Variants in CECR2 observed in about 807,000 individuals in gnomAD.
CECR2 encodes the protein chromatin remodeling regulator CECR2.
Under a neutral mutation model 154.5 loss-of-function variants are expected in CECR2, and 30 were observed. The ratio of observed to expected loss-of-function variants is 0.19; its 90% CI spans 0.15 to 0.26. CECR2 has a LOEUF of 0.26. Among genes scored for constraint, CECR2 ranks in the 10% least tolerant of loss-of-function variants. The pLI, the probability that CECR2 is intolerant of heterozygous loss-of-function variation, is 1.00. For missense variants in CECR2, 1,743 were observed against 1,829.3 expected (o/e 0.95, Z 0.86); for synonymous variants, 725 against 683.7 (o/e 1.06, Z -0.94).
At chr22:17,427,413 C>T (rs962010182) in intron 1 of CECR2, among the ~76,000 whole-genome samples, 1 of 152,040 alleles carries the variant, frequency 6.6e-6, no homozygotes, top group African/African-American at 2.4e-5. Flanking sequence ...GTATTGTGTT[C>T]AGAATTGATT....
intron 1 of CECR2, among the ~76,000 whole-genome samples, chr22:17,446,241 C>T (rs563628496): frequency 2.6e-5 from 4 of 152,136 alleles, no homozygotes; most frequent in African/African-American, 7.2e-5. Context: ...TCAGGTGTTG[C>T]GGCACATGCC....
chr22:17,546,670 C>A (rs1476615320), intron 16 of CECR2, among the ~76,000 whole-genome samples: 3 of 151,998 alleles, frequency 2.0e-5, no homozygotes, highest in Non-Finnish European at 4.4e-5. Flanking sequence ...GAATCTCTAA[C>A]CTTGTGCTTC....
intron 2 of CECR2, among the ~76,000 whole-genome samples, chr22:17,478,204 T>C (rs1477595120): frequency 6.6e-6 from 1 of 152,142 alleles, no homozygotes; most frequent in Non-Finnish European, 1.5e-5. Flanking sequence ...CACGTTTCTT[T>C]GCTATGTGTC....
chr22:17,484,380 A>T (rs1019673069), intron 2 of CECR2, among the ~76,000 whole-genome samples: 1 of 152,154 alleles, frequency 6.6e-6, no homozygotes, highest in Non-Finnish European at 1.5e-5. Flanking sequence ...GTTGCAGGTA[A>T]TCAGCTCTGT....
intron 2 of CECR2, among the ~76,000 whole-genome samples, chr22:17,478,861 A>G (rs1196674535): frequency 6.6e-6 from 1 of 152,126 alleles, no homozygotes; most frequent in Admixed American, 6.5e-5. Context: ...CCCAGGTTGT[A>G]TTTGTAAATA....
At chr22:17,507,312 G>A (rs9604751) in intron 7 of CECR2, among the ~76,000 whole-genome samples, 26,833 of 152,046 alleles carry the variant, frequency 0.18, 2,776 homozygotes, top group East Asian at 0.26. Flanking sequence ...TTTCACCATC[G>A]GTGTACTTAA....
chr22:17,391,575 GC>G lies in CECR2; in HGVS notation c.126+21668del, dbSNP rs2063326293. On this transcript the variant is annotated intron_variant, in intron 1 of 18. Coordinates refer to ENST00000262608, the MANE Select transcript of CECR2 (RefSeq NM_001290047.2). ...GTTCGAATGAGCCAAGCATGTGAGG[GC>G]CTGGCCCAAATAGATCTCAGCAACT... 2.6e-5 allele frequency among the ~76,000 whole-genome samples: 4 copies of G among 152,282 alleles called. No homozygotes were observed. The South Asian group carries it at 8.3e-4, about 32-fold the overall frequency.
chr22:17,369,452 C>G (rs1397366054), upstream of CECR2: 2 of 151,102 alleles, frequency 1.3e-5, no homozygotes, highest in African/African-American at 2.4e-5. Flanking sequence ...CCCTCCGCCC[C>G]TAGCCCCATC....
chr22:17,395,511 AT>A (rs1166653159), intron 1 of CECR2, among the ~76,000 whole-genome samples: 20 of 151,942 alleles, frequency 1.3e-4, no homozygotes, highest in African/African-American at 3.9e-4. Flanking sequence ...TGCTGGGCTA[AT>A]TTTTGTATTT....
chr22:17,496,373 G>A (rs1002251338), intron 2 of CECR2, among the ~76,000 whole-genome samples: 1 of 151,972 alleles, frequency 6.6e-6, no homozygotes. Context: ...GGTGGTGGGC[G>A]CCTCTAGTCC....
rs144027854 is a variant in CECR2 at position 17,541,948 on chromosome 22, G to C, written c.1994G>C (p.Arg665Pro). 1.9e-6 allele frequency: 3 copies of C among 1,613,738 alleles called. No individual in the cohort carries two copies. The South Asian group carries it at 3.3e-5, about 18-fold the overall frequency. ...CACCCCGGGGAGCCTGTGCAGCAGC[G>C]TCAGCCTTTCACCATGCAGGTAAGC... ...EPHPGEPVQQRQPFTMQPPVG... is the reference protein window; with the variant it reads ...EPHPGEPVQQPQPFTMQPPVG... The change falls in exon 15 of 19, where the codon CGT (arginine) becomes CCT (proline). Residue 665 changes from arginine to proline, a missense_variant. Around this residue, in one of 4 missense-constraint regions of CECR2, gnomAD observed 1,250 missense variants for 1,192.1 expected, o/e 1.05. Coordinates refer to ENST00000262608, the MANE Select transcript of CECR2 (RefSeq NM_001290047.2).
At chr22:17,488,504 A>G (rs974934727) in intron 2 of CECR2, among the ~76,000 whole-genome samples, 28 of 152,312 alleles carry the variant, frequency 1.8e-4, no homozygotes, top group African/African-American at 6.5e-4. Context: ...TTTTATCACT[A>G]TAGTTGGAGC....
At chr22:17,401,367 T>C (rs1317594353) in intron 1 of CECR2, among the ~76,000 whole-genome samples, 1 of 152,206 alleles carries the variant, frequency 6.6e-6, no homozygotes, top group African/African-American at 2.4e-5. Context: ...TTTTGACATA[T>C]ATATACACAC....
intron 1 of CECR2, among the ~76,000 whole-genome samples, chr22:17,396,091 A>C (rs770276522): frequency 7.9e-5 from 12 of 151,668 alleles, no homozygotes; most frequent in Non-Finnish European, 1.5e-4. Context: ...ATAAAAAAAA[A>C]AACAACTGGC....
chr22:17,479,751 A>G (rs1234317276), intron 2 of CECR2, among the ~76,000 whole-genome samples: 1 of 149,820 alleles, frequency 6.7e-6, no homozygotes, highest in Non-Finnish European at 1.5e-5. Context: ...TGACATCCCT[A>G]CAATGTGGTC....
intron 2 of CECR2, among the ~76,000 whole-genome samples, chr22:17,479,791 A>C (rs1394047829): frequency 7.7e-6 from 1 of 129,084 alleles, no homozygotes; most frequent in African/African-American, 3.3e-5. Flanking sequence ...TTTTTGGGAC[A>C]GGGTCTTGCT....
chr22:17,435,219 T>C (rs1469143708), intron 1 of CECR2, among the ~76,000 whole-genome samples: 2 of 152,134 alleles, frequency 1.3e-5, no homozygotes, highest in African/African-American at 4.8e-5. Flanking sequence ...TTTTTTTTAA[T>C]GTTGGACAAC....
intron 2 of CECR2, among the ~76,000 whole-genome samples, chr22:17,492,533 G>A (rs1487793524): frequency 6.6e-6 from 1 of 152,052 alleles, no homozygotes; most frequent in Non-Finnish European, 1.5e-5. Context: ...TTAAGAGTTT[G>A]GAAAGGTTGT....
At position 17,554,722 on chromosome 22, in the gene CECR2, T is replaced by C. The variant is rs1210157532; in HGVS notation, c.*1882T>C. The stretch of plus-strand genomic sequence containing the variant: ...ATGTATTTGCAAGTGGATTGAGTTT[T>C]GAGCCTGTGTTCTCACTGGATCCTA... On this transcript the variant is annotated 3_prime_UTR_variant, in exon 19 of 19. Transcript: ENST00000262608. The C allele has an allele frequency of 6.6e-6, 1 of 152,254 alleles. No homozygotes were observed. Among genetic ancestry groups the C allele is most frequent in the Non-Finnish European group, 1.5e-5 (1 of 68,046 alleles). 9.4% of individuals were successfully genotyped at this position (152,254 alleles called of 1,614,324 possible).
Sources: gnomAD v4.1 joint callset for allele counts (sites outside exome capture counted in the v4.1 genomes callset) on GRCh38, gnomAD v4.1.1 for gene constraint, gnomAD v4.1.1 regional missense constraint, MANE v1.5 for transcripts, NCBI Gene and HGNC (gene_info 2026-07-23, HGNC 2026-07-21) for gene names.